TRPM2: variants seen among roughly 807,000 people sequenced by gnomAD.
TRPM2 encodes transient receptor potential cation channel subfamily M member 2, also known as estrogen-responsive element-associated gene 1 protein.
Under a neutral mutation model 174.0 loss-of-function variants are expected in TRPM2, and 161 were observed. That is an observed-to-expected ratio of 0.93 (90% CI 0.81 to 1.05). TRPM2 has a LOEUF of 1.05. Among genes scored for constraint, TRPM2 ranks in the 50% least tolerant of loss-of-function variants. The probability of loss-of-function intolerance (pLI) is 0.00; values close to 1 mark genes in which losing one functional copy is unlikely to be tolerated. For synonymous variants in TRPM2, 954 were observed against 861.3 expected (o/e 1.11, Z -1.88); for missense variants, 2,057 against 2,038.0 (o/e 1.01, Z -0.18).
At chr21:44,373,148 C>A (rs1239945218) in intron 5 of TRPM2, among the ~76,000 whole-genome samples, 1 of 151,992 alleles carries the variant, frequency 6.6e-6, no homozygotes, top group East Asian at 1.9e-4. Context: ...TCATCACTAG[C>A]AGGAGGTTGT....
chr21:44,411,139 T>G (rs1233699306), intron 19 of TRPM2, among the ~76,000 whole-genome samples: 1 of 152,230 alleles, frequency 6.6e-6, no homozygotes, highest in Non-Finnish European at 1.5e-5. Context: ...TTTCCAGGAT[T>G]GCTTTGGCCT....
At chr21:44,401,594 C>T (rs972721354) in intron 15 of TRPM2, 87 bp from the exon 16 acceptor site, 58 of 1,383,774 alleles carry the variant, frequency 4.2e-5, no homozygotes, top group East Asian at 1.1e-4. Context: ...CTGAGGGGCA[C>T]GGGGGATCAC....
chr21:44,441,984 C>T lies in TRPM2; in HGVS notation c.*167C>T. On this transcript the variant is annotated 3_prime_UTR_variant, in exon 32 of 32. Transcript: ENST00000397928. ...GCTGCCGCAAGTCTGCTGCAGATGA[C>T]CTCATGAACTGGAAGGGGTCAAGGT... 2 of 1,045,064 alleles carry T rather than the reference C, an allele frequency of 1.9e-6. No homozygotes were observed. The highest frequency in any genetic ancestry group is 2.6e-6 in the Non-Finnish European group (2 of 777,856). 64.7% of individuals were successfully genotyped at this position (1,045,064 alleles called of 1,614,324 possible).
intron 19 of TRPM2, among the ~76,000 whole-genome samples, chr21:44,407,790 A>T (rs1248459337): frequency 6.6e-6 from 1 of 151,168 alleles, no homozygotes; most frequent in East Asian, 1.9e-4. Flanking sequence ...GCTGAAGAGG[A>T]CCCCGCTGTG....
In TRPM2 at chr21:44,360,469, G is replaced by A. The variant is rs554976354; in HGVS notation, c.255-3645G>A. ...AGAAGTTCCAAAGATACTGCAGAAG[G>A]GCCCCACGGTTCCCCCTGTGGCTAC... On this transcript the variant is annotated intron_variant, in intron 2 of 31. Coordinates refer to ENST00000397928, the MANE Select transcript of TRPM2 (RefSeq NM_003307.4). Among the ~76,000 whole-genome samples, 201 of 152,268 alleles carry A rather than the reference G, an allele frequency of 1.3e-3. 4 individuals are homozygous for A. The highest frequency in any genetic ancestry group is 0.012 in the Admixed American group (191 of 15,288).
Position 44,391,456 on chromosome 21 carries a change from A to G in TRPM2, c.1625A>G (p.Glu542Gly). Residue 542 changes from glutamate to glycine, a missense_variant, in exon 11 of 32, where the codon GAG becomes GGG. Coordinates refer to ENST00000397928, the MANE Select transcript of TRPM2 (RefSeq NM_003307.4). The surrounding 1 kb of genome is among the most constrained non-coding windows in gnomAD (Gnocchi z 5.0). ...AGCAAGCTGCAGAAGGTGCTGGTGGAGGATCCCGAGCGCCCGGCTTGCGCG... is the reference window on the plus strand; with the variant it reads ...AGCAAGCTGCAGAAGGTGCTGGTGGGGGATCCCGAGCGCCCGGCTTGCGCG... ...FHSKLQKVLV[E>G]DPERPACAPA... is the part of the protein sequence containing the mutation. 6.2e-7 allele frequency: 1 copy of G among 1,613,306 alleles called. No individual in the cohort carries two copies. Among genetic ancestry groups the G allele is most frequent in the Non-Finnish European group, 8.5e-7 (1 of 1,179,954 alleles).
At chr21:44,404,220 G>GATACAC (rs369677960) in intron 16 of TRPM2, among the ~76,000 whole-genome samples, 1 of 149,900 alleles carries the variant, frequency 6.7e-6, no homozygotes, top group African/African-American at 2.5e-5. Flanking sequence ...GAGACACACA[G>GATACAC]ATACACATAC....
intron 2 of TRPM2, among the ~76,000 whole-genome samples, chr21:44,362,805 C>T (rs1243578401): frequency 6.6e-6 from 1 of 151,888 alleles, no homozygotes; most frequent in Non-Finnish European, 1.5e-5. Context: ...GAGGAGTCTC[C>T]CACTGTCTCC....
intron 2 of TRPM2, among the ~76,000 whole-genome samples, chr21:44,358,887 C>G (rs1264988484): frequency 6.6e-6 from 1 of 152,144 alleles, no homozygotes; most frequent in Non-Finnish European, 1.5e-5. Context: ...GGCAGGGACC[C>G]AAAGAGTGAG....
In TRPM2 at chr21:44,438,300, GCCTC is replaced by G. The variant is rs943008706; in HGVS notation, c.4168-766_4168-763del. On this transcript the variant is annotated intron_variant, in intron 29 of 31. Coordinates refer to ENST00000397928, the MANE Select transcript of TRPM2 (RefSeq NM_003307.4). This position sits in a 1 kb window ranked among gnomAD's most constrained non-coding sequence, Gnocchi z 5.9. Reference sequence around the variant, plus strand: ...TCACCCTCCGCTCTCTGGCACTTTGGCCTCTCCATGCGGGGTGCGTGGAGTTGGG... The same window carrying G: ...TCACCCTCCGCTCTCTGGCACTTTGGTCCATGCGGGGTGCGTGGAGTTGGG... Among the ~76,000 whole-genome samples the G allele has an allele frequency of 6.6e-6, 1 of 152,096 alleles. No individual in the cohort carries two copies. The highest frequency in any genetic ancestry group is 1.5e-5 in the Non-Finnish European group (1 of 68,038).
At chr21:44,405,774 G>T in intron 17 of TRPM2, 131 bp from the exon 18 acceptor site, 1 of 1,099,242 alleles carries the variant, frequency 9.1e-7, no homozygotes, top group South Asian at 1.5e-5. Flanking sequence ...CACCTGGGAT[G>T]CAGGGCCCAC....
At chr21:44,382,964 C>T (rs1350929591) in intron 9 of TRPM2, 144 bp downstream of exon 9, 54 of 805,110 alleles carry the variant, frequency 6.7e-5, no homozygotes, top group East Asian at 6.0e-4. Context: ...GGGCAGCTGG[C>T]GACGTGCAGG....
At chr21:44,424,730 G>C in intron 23 of TRPM2, 122 bp from the exon 24 acceptor site, 1 of 599,160 alleles carries the variant, frequency 1.7e-6, no homozygotes, top group Admixed American at 3.4e-5. Flanking sequence ...TTCAAAGGGC[G>C]CAGGGGCTGA....
At chr21:44,423,849 C>T (rs763329207) in intron 23 of TRPM2, 117 bp downstream of exon 23, 12 of 880,698 alleles carry the variant, frequency 1.4e-5, no homozygotes, top group South Asian at 1.0e-4. Flanking sequence ...AGGAGGAGGC[C>T]GGAACGTTGG....
chr21:44,376,637 C>T lies in TRPM2; in HGVS notation c.952+624C>T, dbSNP rs1245225999. ...AAAACTTAGGATTTGATACCTTTTTCCTCATAGGTGGGATGGGATGGGTTT... is the reference window on the plus strand; with the variant it reads ...AAAACTTAGGATTTGATACCTTTTTTCTCATAGGTGGGATGGGATGGGTTT... On this transcript the variant is annotated intron_variant, in intron 6 of 31. Coordinates refer to ENST00000397928, the MANE Select transcript of TRPM2 (RefSeq NM_003307.4). The surrounding 1 kb of genome is among the most constrained non-coding windows in gnomAD (Gnocchi z 4.2). Among the ~76,000 whole-genome samples, 1 of 152,124 alleles carries T rather than the reference C, an allele frequency of 6.6e-6. No homozygotes were observed. Among genetic ancestry groups the T allele is most frequent in the East Asian group, 1.9e-4 (1 of 5,194 alleles).
chr21:44,351,289 C>A (rs1259692216), upstream of TRPM2, among the ~76,000 whole-genome samples: 1 of 152,004 alleles, frequency 6.6e-6, no homozygotes. Context: ...CCATGCGGGA[C>A]CCCCGGGGCT....
At chr21:44,394,163 C>T (rs1353137479) in intron 11 of TRPM2, among the ~76,000 whole-genome samples, 3 of 152,030 alleles carry the variant, frequency 2.0e-5, no homozygotes, top group Non-Finnish European at 2.9e-5. Context: ...GCCACCGTGC[C>T]AGGCCGGGTA....
rs1569037417 is a variant in TRPM2 at position 44,379,161 on chromosome 21, C to G, written c.1179C>G (p.Thr393=). 1 of 1,613,526 alleles carries G rather than the reference C, an allele frequency of 6.2e-7. No homozygotes were observed. Among genetic ancestry groups the G allele is most frequent in the Non-Finnish European group, 8.5e-7 (1 of 1,180,040 alleles). ...LSVFFQEMFE[T]FTESRIVEWT... ...TGTTCTTCCAGGAGATGTTTGAGAC[C>G]TTCACGGAAAGCAGGATTGTCGAGT... is the stretch of plus-strand genomic sequence containing the variant. Residue 393 remains threonine, a synonymous_variant, in exon 8 of 32, where the codon ACC becomes ACG. Transcript: ENST00000397928.
At chr21:44,372,732 G>A (rs1299021166) in intron 5 of TRPM2, among the ~76,000 whole-genome samples, 2 of 152,162 alleles carry the variant, frequency 1.3e-5, no homozygotes, top group Admixed American at 6.5e-5. Context: ...CGGGAGGAAC[G>A]AAGGCATCAC....
Sources: allele counts gnomAD v4.1 joint callset (sites outside exome capture counted in the v4.1 genomes callset), GRCh38; gene constraint gnomAD v4.1.1; non-coding constraint Gnocchi (gnomAD v3.1); transcripts MANE v1.5; gene names NCBI Gene and HGNC (gene_info 2026-07-23, HGNC 2026-07-21).